The following EML6 variants were observed in gnomAD, a reference collection of about 807,000 sequenced individuals.
EML6 encodes EMAP like 6.
A neutral mutation model predicts 240.1 loss-of-function variants in EML6; 154 were observed. That is an observed-to-expected ratio of 0.64 (90% CI 0.56 to 0.73). The LOEUF is 0.73. EML6 is among the 30% of genes least tolerant of loss of function. The probability of loss-of-function intolerance (pLI) is 0.00; values close to 1 mark genes in which losing one functional copy is unlikely to be tolerated. For missense variants in EML6, 2,964 were observed against 2,474.6 expected, an observed-to-expected ratio of 1.20 and a Z score of -4.20; for synonymous variants, 1,148 against 899.0, an observed-to-expected ratio of 1.28 and a Z score of -4.95.
chr2:54,794,579 AG>A (rs1669650052), intron 2 of EML6, among the ~76,000 whole-genome samples: 1 of 152,068 alleles, frequency 6.6e-6, no homozygotes, highest in African/African-American at 2.4e-5. Flanking sequence ...TGCCCCCTAA[AG>A]GATCCTGTCT....
intron 5 of EML6, among the ~76,000 whole-genome samples, chr2:54,827,311 A>T (rs779460981): frequency 6.6e-6 from 1 of 152,252 alleles, no homozygotes; most frequent in Non-Finnish European, 1.5e-5. Flanking sequence ...TCACCATTAA[A>T]CAATGAGCAA....
At position 54,814,085 on chromosome 2, in the gene EML6, A is replaced by G. The variant is rs548424234; in HGVS notation, c.357+694A>G. ...GGTGTGAAAGCATTGTTTAAAACCA[A>G]TAAGAGCTTGGAGTACTCAATGAAT... On this transcript the variant is annotated intron_variant, in intron 3 of 41. Coordinates refer to ENST00000356458, the MANE Select transcript of EML6 (RefSeq NM_001039753.4). Among the ~76,000 whole-genome samples, 6 of 152,344 alleles carry G rather than the reference A, an allele frequency of 3.9e-5. No homozygotes were observed. The East Asian group carries it at 7.7e-4, about 20-fold the overall frequency.
chr2:54,826,132 G>T (rs1668579669), intron 5 of EML6, among the ~76,000 whole-genome samples: 1 of 152,158 alleles, frequency 6.6e-6, no homozygotes, highest in Admixed American at 6.5e-5. Context: ...AAAGATTTCA[G>T]TATTTTTTCT....
chr2:54,922,684 T>A (rs1423504512), intron 26 of EML6, among the ~76,000 whole-genome samples: 1 of 152,154 alleles, frequency 6.6e-6, no homozygotes, highest in African/African-American at 2.4e-5. Flanking sequence ...TTATTGTGTA[T>A]ATATACATAT....
At chr2:54,879,720 G>A in intron 17 of EML6, 80 bp downstream of exon 17, 1 of 871,468 alleles carries the variant, frequency 1.1e-6, no homozygotes, top group Non-Finnish European at 1.8e-6. Context: ...TTTCTGGTAA[G>A]ATTTCATCTT....
At chr2:54,868,090 TATCTC>T (rs1650642460) in intron 14 of EML6, 1 of 152,208 alleles carries the variant, frequency 6.6e-6, no homozygotes. Context: ...GAATGTAAGA[TATCTC>T]ATAAGTTTTT....
In EML6 at chr2:54,849,561, T is replaced by G. The variant is rs554620559; in HGVS notation, c.1188-401T>G. On this transcript the variant is annotated intron_variant, in intron 9 of 41. Coordinates refer to ENST00000356458, the MANE Select transcript of EML6 (RefSeq NM_001039753.4). ...TGGAGTGCAGTGGTGCCATCTTGAC[T>G]CACTGCAAACTCTACCTCCCAGGTT... is the stretch of plus-strand genomic sequence containing the variant. Among the ~76,000 whole-genome samples the G allele has an allele frequency of 2.1e-3, 315 of 152,344 alleles. 11 individuals carry two copies. In the South Asian group the frequency reaches 0.06, roughly 29 times the overall value.
chr2:54,957,807 C>T lies in EML6; in HGVS notation c.4504C>T (p.Arg1502Ter). The T allele has an allele frequency of 1.3e-6, 2 of 1,549,868 alleles. No homozygotes were observed. The highest frequency in any genetic ancestry group is 2.4e-5 in the East Asian group (1 of 40,930). The change falls in exon 33 of 42, where the codon CGA becomes TGA. Residue 1502 changes from arginine to a stop codon, truncating the protein, a stop_gained. Transcript: ENST00000356458. LOFTEE classifies it high-confidence loss of function. The part of the protein sequence containing the change: ...RWQEGAKVAS[R>*]GGHLERIFVV... ...CCACACAGGTGCCAAGGTTGCCAGC[C>T]GAGGGGGTCACCTGGAGCGCATATT...
intron 2 of EML6, among the ~76,000 whole-genome samples, chr2:54,764,772 G>T (rs1157652992): frequency 6.6e-6 from 1 of 152,194 alleles, no homozygotes; most frequent in African/African-American, 2.4e-5. Flanking sequence ...GCAGCAAAAG[G>T]CCATGGTGGC....
chr2:54,889,430 T>TG (rs907133968), intron 17 of EML6, among the ~76,000 whole-genome samples: 3 of 92,904 alleles, frequency 3.2e-5, no homozygotes, highest in African/African-American at 1.2e-4. Context: ...TCCAAGAACA[T>TG]GGGATATAGT....
chr2:54,903,638 AT>A, intron 24 of EML6, 136 bp downstream of exon 24: 1 of 751,390 alleles, frequency 1.3e-6, no homozygotes, highest in Non-Finnish European at 2.1e-6. Flanking sequence ...AACGACTGTA[AT>A]TTTACAACCC....
intron 2 of EML6, among the ~76,000 whole-genome samples, chr2:54,756,255 C>T (rs1667725424): frequency 6.6e-6 from 1 of 152,168 alleles, no homozygotes; most frequent in Non-Finnish European, 1.5e-5. Flanking sequence ...ATCCCTGCCC[C>T]TAAAATTCCT....
At chr2:54,868,203 T>C (rs984050609) in intron 14 of EML6, 1 of 152,220 alleles carries the variant, frequency 6.6e-6, no homozygotes, top group Non-Finnish European at 1.5e-5. Flanking sequence ...AACAAATTTT[T>C]AATTAGGAGG....
chr2:54,904,798 T>C (rs1161663318), intron 24 of EML6, among the ~76,000 whole-genome samples: 1 of 152,082 alleles, frequency 6.6e-6, no homozygotes, highest in African/African-American at 2.4e-5. Flanking sequence ...GTTGGAGCAA[T>C]CAAATTAATC....
chr2:54,953,377 A>G (rs1038303119), intron 31 of EML6, among the ~76,000 whole-genome samples: 3 of 152,146 alleles, frequency 2.0e-5, no homozygotes, highest in Non-Finnish European at 4.4e-5. Flanking sequence ...TCATTCTATC[A>G]TGTTTGCTGA....
intron 38 of EML6, among the ~76,000 whole-genome samples, chr2:54,966,528 T>A (rs1244317038): frequency 6.6e-6 from 1 of 152,240 alleles, no homozygotes; most frequent in Non-Finnish European, 1.5e-5. Context: ...ATCATCTGTG[T>A]CACCCACTGT....
intron 13 of EML6, among the ~76,000 whole-genome samples, chr2:54,865,154 T>G (rs1170607373): frequency 6.6e-6 from 1 of 152,040 alleles, no homozygotes; most frequent in Non-Finnish European, 1.5e-5. Context: ...AAAGAAATCT[T>G]TAATTGGGAA....
At chr2:54,862,974 G>C (rs1038505746) in intron 12 of EML6, among the ~76,000 whole-genome samples, 1 of 152,212 alleles carries the variant, frequency 6.6e-6, no homozygotes, top group Non-Finnish European at 1.5e-5. Context: ...AAATGTAAGT[G>C]GCCTTCAGAA....
chr2:54,852,006 C>T (rs1670116413), intron 10 of EML6, among the ~76,000 whole-genome samples: 1 of 152,124 alleles, frequency 6.6e-6, no homozygotes, highest in South Asian at 2.1e-4. Context: ...AAAAATGGCC[C>T]TGGGAGTATT....
Sources: gnomAD v4.1 joint callset for allele counts (sites outside exome capture counted in the v4.1 genomes callset) on GRCh38, gnomAD v4.1.1 for gene constraint, MANE v1.5 for transcripts, NCBI Gene and HGNC (gene_info 2026-07-23, HGNC 2026-07-21) for gene names.